The following MACROH2A1 variants were observed in gnomAD, a reference collection of about 807,000 sequenced individuals.
MACROH2A1 encodes core histone macro-H2A.1.
Under a neutral mutation model 31.6 loss-of-function variants are expected in MACROH2A1, and 2 were observed. The ratio of observed to expected loss-of-function variants is 0.06; its 90% confidence interval spans 0.03 to 0.20. The LOEUF is 0.20. Among genes scored for constraint, MACROH2A1 ranks in the 10% least tolerant of loss-of-function variants. MACROH2A1 has a pLI of 1.00. For synonymous variants in MACROH2A1, 169 were observed against 189.6 expected (o/e 0.89, Z 0.89); for missense variants, 230 against 474.0 (o/e 0.49, Z 4.78).
chr5:135,379,196 A>G (rs1765311530), intron 2 of MACROH2A1, among the ~76,000 whole-genome samples: 1 of 152,198 alleles, frequency 6.6e-6, no homozygotes, highest in African/African-American at 2.4e-5. Flanking sequence ...ATAAAATCCC[A>G]GAGTGTCCCC....
At chr5:135,371,215 G>C (rs529506446) in intron 2 of MACROH2A1, among the ~76,000 whole-genome samples, 1 of 152,112 alleles carries the variant, frequency 6.6e-6, no homozygotes. Flanking sequence ...GGGTGGGGTC[G>C]GGGCGAATGT....
chr5:135,359,546 T>TGA, intron 5 of MACROH2A1: 1 of 981,804 alleles, frequency 1.0e-6, no homozygotes, highest in Non-Finnish European at 1.2e-6. Context: ...AATTGCATCA[T>TGA]GAGAGAGAGT....
In MACROH2A1 at chr5:135,369,499, G is replaced by A; in HGVS notation, c.384C>T (p.Ile128=). The part of the protein sequence containing the change: ...RGSKGKLEAI[I]TPPPAKKAKS... Reference sequence around the variant, plus strand: ...TGGCCTTTTTGGCTGGGGGTGGTGTGATGATGGCTTCCAACTTTCCTTTGG... The same window carrying A: ...TGGCCTTTTTGGCTGGGGGTGGTGTAATGATGGCTTCCAACTTTCCTTTGG... The change falls in exon 4 of 9, where the codon ATC becomes ATT. Residue 128 remains isoleucine (I), a synonymous_variant. Transcript: ENST00000511689. The surrounding 1 kb of genome is among the most constrained non-coding windows in gnomAD (Gnocchi z 4.3). 1 of 1,614,158 alleles carries A rather than the reference G, an allele frequency of 6.2e-7. No individual in the cohort carries two copies. The highest frequency in any genetic ancestry group is 8.5e-7 in the Non-Finnish European group (1 of 1,179,984).
intron 8 of MACROH2A1, among the ~76,000 whole-genome samples, chr5:135,338,519 TGTC>T (rs1358596427): frequency 2.0e-5 from 3 of 152,210 alleles, no homozygotes; most frequent in Non-Finnish European, 2.9e-5. Flanking sequence ...TAACTGCTGT[TGTC>T]GTTGCAGTTA....
chr5:135,366,103 G>A (rs552382761), intron 4 of MACROH2A1, among the ~76,000 whole-genome samples: 1 of 152,196 alleles, frequency 6.6e-6, no homozygotes. Context: ...CTCTCCTGCT[G>A]TCCTGTGAAG....
In MACROH2A1 at chr5:135,389,979, C is replaced by G. The variant is rs567163775; in HGVS notation, c.-33-853G>C. 1.7e-4 allele frequency among the ~76,000 whole-genome samples: 26 copies of G among 152,336 alleles called. 1 individual carries two copies. The South Asian group carries it at 5.4e-3, about 32-fold the overall frequency. ...GCCTGAAAGCTTTCTGTGGCTGCCA[C>G]AATTCTCATGATAGAACCAGGACTC... is the stretch of plus-strand genomic sequence containing the variant. On this transcript the variant is annotated intron_variant, in intron 1 of 8. Transcript: ENST00000511689.
chr5:135,341,290 G>A (rs1453471897), intron 8 of MACROH2A1, among the ~76,000 whole-genome samples: 1 of 152,208 alleles, frequency 6.6e-6, no homozygotes, highest in Non-Finnish European at 1.5e-5. Context: ...GAGAGCTGAG[G>A]GGCCTCACTC....
chr5:135,342,686 T>G (rs1165326334), intron 8 of MACROH2A1, among the ~76,000 whole-genome samples: 2 of 152,118 alleles, frequency 1.3e-5, no homozygotes, highest in Non-Finnish European at 1.5e-5. Flanking sequence ...CTCACGTAAT[T>G]CCCCATTCCG....
chr5:135,360,966 T>C (rs1762774031), intron 4 of MACROH2A1: 1 of 366,064 alleles, frequency 2.7e-6, no homozygotes, highest in South Asian at 2.2e-5. Flanking sequence ...TCTGTAATAC[T>C]ATTCAAGCTT....
chr5:135,378,878 C>T (rs1328503314), intron 2 of MACROH2A1, among the ~76,000 whole-genome samples: 1 of 152,116 alleles, frequency 6.6e-6, no homozygotes, highest in Non-Finnish European at 1.5e-5. Context: ...GTATTACAAG[C>T]CACAGTTAGA....
chr5:135,376,871 A>C (rs969807115), intron 2 of MACROH2A1, among the ~76,000 whole-genome samples: 2 of 152,192 alleles, frequency 1.3e-5, no homozygotes, highest in Non-Finnish European at 2.9e-5. Context: ...AGAAAACTGC[A>C]CTTCCTTTGC....
At chr5:135,375,632 G>GAA (rs1374312769) in intron 2 of MACROH2A1, among the ~76,000 whole-genome samples, 1 of 152,178 alleles carries the variant, frequency 6.6e-6, no homozygotes, top group African/African-American at 2.4e-5. Flanking sequence ...CTTGCAATAG[G>GAA]AAAGAGTCAG....
At chr5:135,340,684 A>G (rs1039724561) in intron 8 of MACROH2A1, among the ~76,000 whole-genome samples, 8 of 152,258 alleles carry the variant, frequency 5.3e-5, no homozygotes, top group Non-Finnish European at 1.0e-4. Flanking sequence ...CTTTCCCAAC[A>G]TGCTTACCTT....
chr5:135,398,530 C>A lies in MACROH2A1; in HGVS notation c.-34+532G>T, dbSNP rs1248968286. Among the ~76,000 whole-genome samples the A allele has an allele frequency of 6.6e-6, 1 of 152,246 alleles. No homozygotes were observed. Among genetic ancestry groups the A allele is most frequent in the Non-Finnish European group, 1.5e-5 (1 of 68,042 alleles). On this transcript the variant is annotated intron_variant, in intron 1 of 8. Transcript: ENST00000511689. The surrounding 1 kb of genome is among the most constrained non-coding windows in gnomAD (Gnocchi z 4.6). ...CCGCGAGTAGCCCCCGCCTTCCCCT[C>A]CCTGCAGATAGCGAGCCAGACGCCT...
chr5:135,395,996 G>A (rs1767919137), intron 1 of MACROH2A1, among the ~76,000 whole-genome samples: 1 of 152,114 alleles, frequency 6.6e-6, no homozygotes, highest in African/African-American at 2.4e-5. Flanking sequence ...AAACACAAAT[G>A]TCATTTACCA....
chr5:135,345,217 G>A (rs1388231946), intron 7 of MACROH2A1: 2 of 152,188 alleles, frequency 1.3e-5, no homozygotes, highest in African/African-American at 4.8e-5. Context: ...TGGGAATAGA[G>A]GTGCACGGCC....
chr5:135,347,180 AC>A (rs1760945893), intron 6 of MACROH2A1: 1 of 152,212 alleles, frequency 6.6e-6, no homozygotes, highest in Non-Finnish European at 1.5e-5. Context: ...CTTTGGAGTC[AC>A]CCTGCGATGA....
In MACROH2A1 at chr5:135,376,518, G is replaced by C. The variant is rs1764889484; in HGVS notation, c.173-6376C>G. Among the ~76,000 whole-genome samples, 3 of 152,216 alleles carry C rather than the reference G, an allele frequency of 2.0e-5. 1 individual carries two copies. In the South Asian group the frequency reaches 6.2e-4, roughly 32 times the overall value. ...GCCCGAATATCTTCCTTGTCAGGAA[G>C]TTTTCCTCTGCCTTCCTCACCTCTG... On this transcript the variant is annotated intron_variant, in intron 2 of 8. Coordinates refer to ENST00000511689, the MANE Select transcript of MACROH2A1 (RefSeq NM_138610.3).
At chr5:135,335,445 T>G (rs1338128784) in intron 8 of MACROH2A1, among the ~76,000 whole-genome samples, 1 of 147,844 alleles carries the variant, frequency 6.8e-6, no homozygotes, top group East Asian at 1.9e-4. Flanking sequence ...CGAAGTACAG[T>G]GTAAGCTCCT....
Sources: gnomAD v4.1 joint callset for allele counts (sites outside exome capture counted in the v4.1 genomes callset) on GRCh38, gnomAD v4.1.1 for gene constraint, Gnocchi (gnomAD v3.1) non-coding constraint, MANE v1.5 for transcripts, NCBI Gene and HGNC (gene_info 2026-07-23, HGNC 2026-07-21) for gene names.